RBM26: variants seen among roughly 807,000 people sequenced by gnomAD.
The protein encoded by RBM26 is RNA binding motif protein 26.
A neutral mutation model predicts 123.6 loss-of-function variants in RBM26; 30 were observed. The observed-to-expected ratio is 0.24, with a 90% CI of 0.18 to 0.33. RBM26 has a LOEUF of 0.33. Among genes scored for constraint, RBM26 ranks in the 10% least tolerant of loss-of-function variants. RBM26 has a pLI of 1.00. For missense variants in RBM26, 947 were observed against 1,203.6 expected, an observed-to-expected ratio of 0.79 and a Z score of 3.15; for synonymous variants, 400 against 404.4, an observed-to-expected ratio of 0.99 and a Z score of 0.13.
downstream of RBM26, chr13:79,314,835 T>G: frequency 2.2e-6 from 1 of 449,716 alleles, no homozygotes; most frequent in Non-Finnish European, 4.0e-6. Context: ...ACTGTAGAGA[T>G]AAAATGCTAA....
intron 10 of RBM26, among the ~76,000 whole-genome samples, chr13:79,359,340 G>GT (rs1295119792): frequency 1.3e-5 from 2 of 152,096 alleles, no homozygotes; most frequent in Admixed American, 1.3e-4. Context: ...TTGGAGGAGG[G>GT]TAAATGATAA....
chr13:79,402,411 T>C (rs188095316), intron 1 of RBM26, among the ~76,000 whole-genome samples: 11 of 151,722 alleles, frequency 7.3e-5, no homozygotes, highest in Admixed American at 4.6e-4. Context: ...CAGACTTCTA[T>C]TTCACGCTGA....
intron 17 of RBM26, among the ~76,000 whole-genome samples, chr13:79,341,813 T>C (rs1239081631): frequency 3.3e-5 from 5 of 151,746 alleles, no homozygotes; most frequent in African/African-American, 1.2e-4. Context: ...GGAGAGGCGA[T>C]CCAAAACTGA....
chr13:79,353,028 G>A, intron 14 of RBM26, 125 bp downstream of exon 14: 1 of 481,458 alleles, frequency 2.1e-6, no homozygotes, highest in Admixed American at 4.1e-5. Context: ...AAACCAAAAG[G>A]TAGGAAAAGA....
At chr13:79,403,727 T>C (rs1362506787) in intron 1 of RBM26, among the ~76,000 whole-genome samples, 2 of 152,212 alleles carry the variant, frequency 1.3e-5, no homozygotes, top group Admixed American at 1.3e-4. Flanking sequence ...CCAGACATTC[T>C]GCTCCAGAGT....
chr13:79,354,295 A>C (rs1486537371), intron 13 of RBM26, 144 bp downstream of exon 13: 5 of 598,004 alleles, frequency 8.4e-6, no homozygotes, highest in Non-Finnish European at 1.2e-5. Flanking sequence ...AAAAAAAAAA[A>C]CAACCTTATA....
Position 79,320,415 on chromosome 13 carries a change from G to C in RBM26, c.*206C>G. On this transcript the variant is annotated 3_prime_UTR_variant, in exon 22 of 22. Coordinates refer to ENST00000438737, the MANE Select transcript of RBM26 (RefSeq NM_001366735.2). ...ATATGTTTCTAGTGTGATGTCTTTA[G>C]CAATTGTTTACTGAAGTAAAATGCA... The C allele has an allele frequency of 2.5e-6, 3 of 1,215,930 alleles. No individual in the cohort carries two copies. The highest frequency in any genetic ancestry group is 2.1e-6 in the Non-Finnish European group (2 of 973,102). The allele number at this position is 1,215,930 out of a possible 1,614,324, so 75.3% of individuals were successfully genotyped here.
chr13:79,361,399 C>T (rs2074668999), intron 9 of RBM26, among the ~76,000 whole-genome samples: 1 of 152,080 alleles, frequency 6.6e-6, no homozygotes, highest in Admixed American at 6.6e-5. Flanking sequence ...CCAGTTTTCC[C>T]TTTAGCAACA....
At chr13:79,365,437 T>C (rs914295882) in intron 9 of RBM26, 141 bp downstream of exon 9, 6 of 693,374 alleles carry the variant, frequency 8.7e-6, no homozygotes, top group African/African-American at 5.4e-5. Flanking sequence ...AGTGAGACTC[T>C]GTCTCCAAAA....
At chr13:79,366,488 A>G in intron 7 of RBM26, 145 bp downstream of exon 7, 1 of 848,372 alleles carries the variant, frequency 1.2e-6, no homozygotes, top group Non-Finnish European at 1.8e-6. Flanking sequence ...GTGGAGGTGT[A>G]TTCCAAATGG....
intron 4 of RBM26, 110 bp from the exon 5 acceptor site, chr13:79,371,272 A>T: frequency 1.2e-6 from 1 of 840,910 alleles, no homozygotes; most frequent in South Asian, 1.8e-5. Context: ...TTTCTATCCT[A>T]CCATCAGACA....
At chr13:79,395,900 GA>G (rs202234822) in intron 1 of RBM26, among the ~76,000 whole-genome samples, 1 of 149,906 alleles carries the variant, frequency 6.7e-6, no homozygotes, top group African/African-American at 2.5e-5. Flanking sequence ...AGAAAAAGAG[GA>G]AAAAAAAATG....
At chr13:79,345,011 T>C (rs2072070837) in intron 14 of RBM26, among the ~76,000 whole-genome samples, 1 of 151,620 alleles carries the variant, frequency 6.6e-6, no homozygotes, top group South Asian at 2.1e-4. Flanking sequence ...GAACACCAAA[T>C]ACCTATAGAA....
At chr13:79,359,808 AATT>A (rs756672173) in intron 9 of RBM26, 122 bp from the exon 10 acceptor site, 40 of 197,052 alleles carry the variant, frequency 2.0e-4, no homozygotes, top group African/African-American at 6.5e-4. Flanking sequence ...ATATATATAT[AATT>A]TTTTTTTTAG....
At chr13:79,368,628 T>A in intron 6 of RBM26, 102 bp downstream of exon 6, 1 of 1,165,286 alleles carries the variant, frequency 8.6e-7, no homozygotes, top group African/African-American at 1.5e-5. Context: ...ATTTCCCACT[T>A]TTCAGAGGTA....
chr13:79,400,546 G>A (rs2078976322), intron 1 of RBM26, among the ~76,000 whole-genome samples: 1 of 152,068 alleles, frequency 6.6e-6, no homozygotes, highest in Non-Finnish European at 1.5e-5. Flanking sequence ...TTCTGGAGAA[G>A]ACAAACATTC....
At chr13:79,371,960 A>G in intron 3 of RBM26, 30 bp from the exon 4 acceptor site, 1 of 1,466,504 alleles carries the variant, frequency 6.8e-7, no homozygotes, top group Non-Finnish European at 9.5e-7. Flanking sequence ...AAAGTGTACA[A>G]GTTTAGTAAT....
chr13:79,317,446 G>C (rs2067258182), downstream of RBM26, among the ~76,000 whole-genome samples: 1 of 151,584 alleles, frequency 6.6e-6, no homozygotes, highest in Admixed American at 6.6e-5. Flanking sequence ...AAACAGCCCT[G>C]GATAAGGCAA....
intron 11 of RBM26, among the ~76,000 whole-genome samples, chr13:79,356,067 T>C (rs115430103): frequency 0.029 from 4,338 of 152,206 alleles, 171 homozygotes; most frequent in African/African-American, 0.085. Context: ...AGAAAAGAGA[T>C]TAACAGTGGC....
Sources: allele counts gnomAD v4.1 joint callset (sites outside exome capture counted in the v4.1 genomes callset), GRCh38; gene constraint gnomAD v4.1.1; transcripts MANE v1.5; gene names NCBI Gene and HGNC (gene_info 2026-07-23, HGNC 2026-07-21).